DOCK8: variants seen among roughly 807,000 people sequenced by gnomAD.
DOCK8 encodes dedicator of cytokinesis protein 8.
In DOCK8, 141 loss-of-function variants were observed where a neutral mutation model predicts 245.6. The ratio of observed to expected loss-of-function variants is 0.57; its 90% CI spans 0.50 to 0.66. The LOEUF (loss-of-function observed/expected upper bound fraction) is 0.66, where lower values mean the gene tolerates loss of function less well. DOCK8 is among the 30% of genes least tolerant of loss of function. DOCK8 has a pLI of 0.00. For synonymous variants in DOCK8, 1,168 were observed against 970.2 expected (o/e 1.20, Z -3.79); for missense variants, 2,965 against 2,603.4 (o/e 1.14, Z -3.02).
intron 26 of DOCK8, among the ~76,000 whole-genome samples, chr9:400,982 A>G (rs1437848802): frequency 3.3e-5 from 4 of 121,200 alleles, no homozygotes; most frequent in Non-Finnish European, 7.6e-5. Context: ...CACCATCACC[A>G]CCTCCTCCAC....
intron 1 of DOCK8, among the ~76,000 whole-genome samples, chr9:232,812 G>A (rs182209783): frequency 1.4e-4 from 21 of 152,080 alleles, no homozygotes; most frequent in South Asian, 4.2e-4. Flanking sequence ...TCTTGCTAGC[G>A]GTCTATCAAT....
At chr9:252,976 G>A (rs180873656) in intron 1 of DOCK8, among the ~76,000 whole-genome samples, 2 of 152,256 alleles carry the variant, frequency 1.3e-5, no homozygotes, top group Admixed American at 6.5e-5. Context: ...GTTTTATTCT[G>A]TCCTTGGGAC....
chr9:460,965 C>T (rs184545197), intron 46 of DOCK8, among the ~76,000 whole-genome samples: 15 of 152,262 alleles, frequency 9.9e-5, no homozygotes, highest in East Asian at 1.9e-4. Context: ...CTAATTATTG[C>T]GTGTTAGGTA....
intron 22 of DOCK8, among the ~76,000 whole-genome samples, chr9:384,785 G>A (rs1049056070): frequency 7.9e-5 from 12 of 152,050 alleles, no homozygotes; most frequent in African/African-American, 1.4e-4. Context: ...GCGTGGTGGC[G>A]GGCGCCTGTA....
intron 1 of DOCK8, among the ~76,000 whole-genome samples, chr9:225,805 T>G (rs2046977180): frequency 6.6e-6 from 1 of 152,058 alleles, no homozygotes; most frequent in Non-Finnish European, 1.5e-5. Context: ...GATGGGATGG[T>G]CAAGGAAAGC....
intron 1 of DOCK8, among the ~76,000 whole-genome samples, chr9:220,407 C>T (rs1025926159): frequency 2.6e-5 from 4 of 152,040 alleles, no homozygotes; most frequent in African/African-American, 7.2e-5. Flanking sequence ...GGAAAGAAAA[C>T]GTAGTAACAT....
chr9:418,329 T>G, intron 30 of DOCK8, 122 bp downstream of exon 30: 2 of 1,328,588 alleles, frequency 1.5e-6, no homozygotes, highest in Non-Finnish European at 2.1e-6. Flanking sequence ...TGGAGTGCAG[T>G]GGCGCAATCT....
intron 2 of DOCK8, among the ~76,000 whole-genome samples, chr9:281,630 T>C (rs921857613): frequency 8.6e-6 from 1 of 115,672 alleles, no homozygotes; most frequent in Non-Finnish European, 1.9e-5. Flanking sequence ...TATGTATATA[T>C]GTTTGTGTGC....
chr9:374,214 A>G (rs1056518028), intron 18 of DOCK8, among the ~76,000 whole-genome samples: 1 of 152,002 alleles, frequency 6.6e-6, no homozygotes, highest in Non-Finnish European at 1.5e-5. Flanking sequence ...CTCTCTTAGT[A>G]TCCTTTAAAC....
intron 29 of DOCK8, among the ~76,000 whole-genome samples, chr9:416,402 G>A (rs1373388157): frequency 1.3e-5 from 2 of 152,182 alleles, no homozygotes; most frequent in African/African-American, 4.8e-5. Context: ...CACATTATCC[G>A]AAGTTTTCTT....
At chr9:238,151 A>G (rs927993567) in intron 1 of DOCK8, among the ~76,000 whole-genome samples, 2 of 152,206 alleles carry the variant, frequency 1.3e-5, no homozygotes, top group African/African-American at 4.8e-5. Flanking sequence ...AGTTGTTTTA[A>G]TAATAACAAT....
At chr9:345,170 T>C in intron 14 of DOCK8, among the ~76,000 whole-genome samples, 1 of 152,228 alleles carries the variant, frequency 6.6e-6, no homozygotes, top group East Asian at 1.9e-4. Context: ...ATGTTGCTAT[T>C]TCCATGCCAA....
intron 30 of DOCK8, chr9:420,186 C>T: frequency 6.6e-6 from 4 of 609,016 alleles, no homozygotes; most frequent in Non-Finnish European, 1.2e-5. Context: ...CCCAGGTGAG[C>T]CTCTTTGCTG....
intron 1 of DOCK8, among the ~76,000 whole-genome samples, chr9:244,420 G>T (rs2047454948): frequency 6.6e-6 from 1 of 151,924 alleles, no homozygotes; most frequent in African/African-American, 2.4e-5. Flanking sequence ...ACTGATCTCA[G>T]ATCAGACTTT....
chr9:250,804 G>A (rs2047626838), intron 1 of DOCK8, among the ~76,000 whole-genome samples: 1 of 152,214 alleles, frequency 6.6e-6, no homozygotes, highest in South Asian at 2.1e-4. Flanking sequence ...AAACAGGACA[G>A]GAAGGAAGTC....
chr9:247,957 T>A (rs1209492566), intron 1 of DOCK8, among the ~76,000 whole-genome samples: 1 of 145,466 alleles, frequency 6.9e-6, no homozygotes, highest in African/African-American at 2.6e-5. Context: ...TGTATTAAAA[T>A]GTTCTTTTCT....
intron 2 of DOCK8, among the ~76,000 whole-genome samples, chr9:274,354 G>T (rs925219726): frequency 2.6e-5 from 4 of 152,034 alleles, no homozygotes; most frequent in African/African-American, 9.7e-5. Flanking sequence ...CAGTTATTCC[G>T]CTTTACTTTT....
chr9:215,862 G>C (rs2046739322), intron 1 of DOCK8: 1 of 167,444 alleles, frequency 6.0e-6, no homozygotes, highest in African/African-American at 2.4e-5. Context: ...GTCTTGCCCT[G>C]AGAAAGCTAG....
chr9:309,775 G>A (rs1314130877), intron 5 of DOCK8, among the ~76,000 whole-genome samples: 3 of 152,030 alleles, frequency 2.0e-5, no homozygotes, highest in Non-Finnish European at 4.4e-5. Flanking sequence ...ATTCAGCTTT[G>A]GTGTCTATAC....
Sources: gnomAD v4.1 joint callset for allele counts (sites outside exome capture counted in the v4.1 genomes callset) on GRCh38, gnomAD v4.1.1 for gene constraint, MANE v1.5 for transcripts, NCBI Gene and HGNC (gene_info 2026-07-23, HGNC 2026-07-21) for gene names.